Variants in NRG1 observed in about 807,000 individuals in gnomAD.
NRG1 encodes the protein pro-neuregulin-1, membrane-bound isoform.
In NRG1, 18 loss-of-function variants were observed where a neutral mutation model predicts 63.8. The observed-to-expected ratio is 0.28, with a 90% CI of 0.19 to 0.42. The LOEUF is 0.42. NRG1 is among the 10% of genes least tolerant of loss of function. NRG1 has a pLI of 1.00. For missense variants in NRG1, 762 were observed against 814.7 expected (o/e 0.94, Z 0.79); for synonymous variants, 302 against 301.3 (o/e 1.00, Z -0.02).
intron 1 of NRG1, among the ~76,000 whole-genome samples, chr8:32,566,167 A>C (rs1269273759): frequency 6.6e-6 from 1 of 151,632 alleles, no homozygotes; most frequent in Non-Finnish European, 1.5e-5. Flanking sequence ...GACCAGCCTG[A>C]CCAACATGGC....
At chr8:32,068,443 TGATG>T (rs1406118218) in intron 1 of NRG1, among the ~76,000 whole-genome samples, 1 of 152,124 alleles carries the variant, frequency 6.6e-6, no homozygotes, top group East Asian at 1.9e-4. Flanking sequence ...TGCCAGAAGA[TGATG>T]GATCCAACAA....
At chr8:32,227,569 A>G (rs898336995) in intron 1 of NRG1, among the ~76,000 whole-genome samples, 1 of 152,180 alleles carries the variant, frequency 6.6e-6, no homozygotes, top group African/African-American at 2.4e-5. Flanking sequence ...GAATGAAATC[A>G]AGCATTTCTC....
At chr8:32,442,102 G>A (rs1337449273) in intron 1 of NRG1, among the ~76,000 whole-genome samples, 2 of 152,132 alleles carry the variant, frequency 1.3e-5, no homozygotes, top group African/African-American at 4.8e-5. Flanking sequence ...TATTCCTGAA[G>A]CATACAGAAT....
chr8:31,663,650 T>C (rs1187780406), intron 1 of NRG1, among the ~76,000 whole-genome samples: 2 of 152,138 alleles, frequency 1.3e-5, no homozygotes, highest in Non-Finnish European at 2.9e-5. Context: ...TGATATAACA[T>C]TTTGTAGAGT....
intron 1 of NRG1, among the ~76,000 whole-genome samples, chr8:32,431,449 C>A (rs1416504436): frequency 6.6e-6 from 1 of 152,124 alleles, no homozygotes; most frequent in East Asian, 1.9e-4. Flanking sequence ...CACTCTCCAT[C>A]ACGTAGTCTC....
chr8:32,037,521 G>T (rs1819259947), intron 1 of NRG1, among the ~76,000 whole-genome samples: 1 of 152,190 alleles, frequency 6.6e-6, no homozygotes, highest in African/African-American at 2.4e-5. Context: ...GAGCTGGCAG[G>T]CAGAAAAGAG....
intron 1 of NRG1, among the ~76,000 whole-genome samples, chr8:32,065,752 A>T (rs922533787): frequency 3.1e-4 from 47 of 152,220 alleles, no homozygotes; most frequent in African/African-American, 1.0e-3. Context: ...ATCCCTGAGG[A>T]ATCGCCACCC....
intron 1 of NRG1, among the ~76,000 whole-genome samples, chr8:32,125,604 A>G (rs1833970981): frequency 6.6e-6 from 1 of 151,892 alleles, no homozygotes; most frequent in Non-Finnish European, 1.5e-5. Context: ...TGATAATCTG[A>G]TCCAATCCAG....
intron 1 of NRG1, among the ~76,000 whole-genome samples, chr8:31,796,128 C>A (rs1031184514): frequency 2.0e-5 from 3 of 152,076 alleles, no homozygotes; most frequent in Non-Finnish European, 2.9e-5. Context: ...ATACACCTAG[C>A]CTTAAAGAGT....
intron 1 of NRG1, among the ~76,000 whole-genome samples, chr8:31,665,702 A>G (rs543955685): frequency 6.6e-6 from 1 of 152,218 alleles, no homozygotes; most frequent in Non-Finnish European, 1.5e-5. Context: ...CTAGAAAAGC[A>G]TAGGCTTTAT....
chr8:32,430,385 G>A (rs1373280030), intron 1 of NRG1, among the ~76,000 whole-genome samples: 2 of 152,172 alleles, frequency 1.3e-5, no homozygotes, highest in Non-Finnish European at 2.9e-5. Context: ...AATAAACCAT[G>A]TGTTTTGCTT....
intron 1 of NRG1, among the ~76,000 whole-genome samples, chr8:31,671,822 G>A (rs1046366076): frequency 1.1e-4 from 17 of 152,004 alleles, no homozygotes; most frequent in Non-Finnish European, 2.4e-4. Flanking sequence ...AAAAAGATAC[G>A]TACAAAAGAT....
chr8:32,648,265 T>C (rs1854116875), intron 5 of NRG1: 2 of 1,614,122 alleles, frequency 1.2e-6, no homozygotes, highest in Non-Finnish European at 1.7e-6. Context: ...GCCTTTTCTT[T>C]CTTGCCGTCC....
chr8:32,710,386 G>A (rs1388501395), intron 5 of NRG1, among the ~76,000 whole-genome samples: 3 of 151,916 alleles, frequency 2.0e-5, no homozygotes, highest in Admixed American at 1.3e-4. Flanking sequence ...TTTGCATTGC[G>A]GTCAATCAGA....
chr8:32,003,643 A>C (rs1239350882), intron 1 of NRG1, among the ~76,000 whole-genome samples: 3 of 152,086 alleles, frequency 2.0e-5, no homozygotes, highest in African/African-American at 7.2e-5. Flanking sequence ...TTTGAAGAAT[A>C]TTGTATTCAA....
At chr8:31,973,760 A>G (rs1167854468) in intron 1 of NRG1, among the ~76,000 whole-genome samples, 2 of 152,218 alleles carry the variant, frequency 1.3e-5, no homozygotes, top group Non-Finnish European at 2.9e-5. Context: ...AAATTTCCTG[A>G]TAATGGTTTG....
At chr8:32,167,526 C>G (rs368824971) in intron 1 of NRG1, among the ~76,000 whole-genome samples, 1 of 152,158 alleles carries the variant, frequency 6.6e-6, no homozygotes, top group African/African-American at 2.4e-5. Flanking sequence ...TAACCCTCCA[C>G]TGGTTGATAT....
intron 1 of NRG1, among the ~76,000 whole-genome samples, chr8:32,324,970 T>C (rs542878565): frequency 1.3e-5 from 2 of 152,336 alleles, no homozygotes; most frequent in African/African-American, 2.4e-5. Flanking sequence ...TGTAAGGTTG[T>C]CCGAATGTTT....
At chr8:32,326,414 C>T (rs1802033949) in intron 1 of NRG1, among the ~76,000 whole-genome samples, 1 of 151,092 alleles carries the variant, frequency 6.6e-6, no homozygotes, top group Non-Finnish European at 1.5e-5. Flanking sequence ...TGGGCTCAAG[C>T]CATTCTCCCA....
Sources: allele counts gnomAD v4.1 joint callset (sites outside exome capture counted in the v4.1 genomes callset), GRCh38; gene constraint gnomAD v4.1.1; transcripts MANE v1.5; gene names NCBI Gene and HGNC (gene_info 2026-07-23, HGNC 2026-07-21).